TMCC1: variants seen among roughly 807,000 people sequenced by gnomAD.
TMCC1 encodes transmembrane and coiled-coil domain family 1, also known as transmembrane and coiled-coil domains protein 1.
Under a neutral mutation model 52.4 loss-of-function variants are expected in TMCC1, and 15 were observed. The ratio of observed to expected loss-of-function variants is 0.29; its 90% CI spans 0.19 to 0.44. The LOEUF is 0.44. TMCC1 is among the 20% of genes least tolerant of loss of function. The probability of loss-of-function intolerance (pLI) is 1.00; values close to 1 mark genes in which losing one functional copy is unlikely to be tolerated. For synonymous variants in TMCC1, 279 were observed against 301.9 expected (o/e 0.92, Z 0.79); for missense variants, 503 against 806.0 (o/e 0.62, Z 4.55).
chr3:129,866,364 T>TTA (rs1249286467), intron 2 of TMCC1, among the ~76,000 whole-genome samples: 56 of 142,174 alleles, frequency 3.9e-4, no homozygotes, highest in Middle Eastern at 3.7e-3. Flanking sequence ...AATATATATT[T>TTA]TATATATATA....
At chr3:129,716,365 C>T (rs1440345451) in intron 4 of TMCC1, among the ~76,000 whole-genome samples, 2 of 136,740 alleles carry the variant, frequency 1.5e-5, no homozygotes, top group East Asian at 2.2e-4. Flanking sequence ...GTTGGAGTCT[C>T]GCTCTGTCAC....
chr3:129,837,235 T>C (rs2059200333), intron 2 of TMCC1, among the ~76,000 whole-genome samples: 1 of 152,010 alleles, frequency 6.6e-6, no homozygotes, highest in African/African-American at 2.4e-5. Context: ...TGCATAAATC[T>C]GAGGCTTAAC....
At position 129,651,695 on chromosome 3, in the gene TMCC1, C is replaced by T. The variant is rs1288910841; in HGVS notation, c.1748G>A (p.Arg583Gln). ...GTTGATGAGTTTGCCCAGAAGGTTCCGGGCAGTGGCATTCTCCAGCCCTTC... is the reference window on the plus strand; with the variant it reads ...GTTGATGAGTTTGCCCAGAAGGTTCTGGGCAGTGGCATTCTCCAGCCCTTC... The part of the protein sequence containing the change: ...QLEGLENATA[R>Q]NLLGKLINIL... The change falls in exon 7 of 7, where the codon CGG (arginine) becomes CAG (glutamine). Residue 583 changes from arginine (R) to glutamine (Q), a missense_variant. Arg to Gln is a conservative substitution (Grantham distance 43, BLOSUM62 1). This residue lies in a region of TMCC1 where 121 missense variants were observed against 193.6 expected (regional missense o/e 0.62). Transcript: ENST00000393238. This position sits in a 1 kb window ranked among gnomAD's most constrained non-coding sequence, Gnocchi z 5.1. The T allele has an allele frequency of 1.3e-5, 21 of 1,614,074 alleles. No homozygotes were observed. The highest frequency in any genetic ancestry group is 2.7e-5 in the African/African-American group (2 of 74,914).
intron 4 of TMCC1, among the ~76,000 whole-genome samples, chr3:129,800,731 G>T (rs935085128): frequency 6.6e-6 from 1 of 151,602 alleles, no homozygotes; most frequent in Non-Finnish European, 1.5e-5. Context: ...GTCATATTTT[G>T]CTATTTAACC....
At chr3:129,770,611 TG>T (rs1257083578) in intron 4 of TMCC1, among the ~76,000 whole-genome samples, 141 of 132,354 alleles carry the variant, frequency 1.1e-3, no homozygotes, top group African/African-American at 3.4e-3. Flanking sequence ...ATAAATGAAA[TG>T]AAATGAAATG....
At chr3:129,675,394 C>A (rs191508737) in intron 4 of TMCC1, among the ~76,000 whole-genome samples, 1 of 152,162 alleles carries the variant, frequency 6.6e-6, no homozygotes, top group Non-Finnish European at 1.5e-5. Context: ...ACTTAACCTC[C>A]GCATCCATTT....
intron 4 of TMCC1, among the ~76,000 whole-genome samples, chr3:129,781,114 T>C (rs2055488199): frequency 1.3e-5 from 2 of 152,116 alleles, no homozygotes; most frequent in South Asian, 4.1e-4. Flanking sequence ...ATGGGTTTTC[T>C]TCTATTAAAG....
chr3:129,743,467 T>C (rs2051642408), intron 4 of TMCC1, among the ~76,000 whole-genome samples: 1 of 152,202 alleles, frequency 6.6e-6, no homozygotes. Flanking sequence ...ATGGTAAATC[T>C]GTGGAATTAA....
chr3:129,676,903 T>C (rs1271943850), intron 4 of TMCC1, among the ~76,000 whole-genome samples: 2 of 152,190 alleles, frequency 1.3e-5, no homozygotes, highest in East Asian at 1.9e-4. Flanking sequence ...AGTTACCTTC[T>C]TCCATCACTT....
intron 4 of TMCC1, chr3:129,818,876 T>C (rs947174035): frequency 2.0e-5 from 3 of 152,428 alleles, no homozygotes; most frequent in Non-Finnish European, 4.4e-5. Context: ...TGTTGGGAAA[T>C]GATGTAGGTG....
At chr3:129,715,753 G>A (rs1465540193) in intron 4 of TMCC1, among the ~76,000 whole-genome samples, 1 of 152,082 alleles carries the variant, frequency 6.6e-6, no homozygotes, top group Non-Finnish European at 1.5e-5. Flanking sequence ...GTCTGAGACT[G>A]TGTCTTATAT....
At chr3:129,760,115 C>G (rs1302460952) in intron 4 of TMCC1, among the ~76,000 whole-genome samples, 1 of 151,942 alleles carries the variant, frequency 6.6e-6, no homozygotes, top group Non-Finnish European at 1.5e-5. Flanking sequence ...CCCTTATAAC[C>G]CCTCTTCCCT....
chr3:129,680,824 C>T (rs1032240245), intron 4 of TMCC1, among the ~76,000 whole-genome samples: 2 of 151,350 alleles, frequency 1.3e-5, no homozygotes, highest in Admixed American at 6.6e-5. Context: ...TTGCTTGAAC[C>T]GGGGGGTGGA....
intron 4 of TMCC1, among the ~76,000 whole-genome samples, chr3:129,742,813 A>G (rs1427252813): frequency 2.0e-5 from 3 of 152,212 alleles, no homozygotes; most frequent in Admixed American, 2.0e-4. Context: ...ATAATAGAAT[A>G]TGATTTTGCA....
intron 5 of TMCC1, among the ~76,000 whole-genome samples, chr3:129,666,608 C>T (rs1379189589): frequency 2.0e-5 from 3 of 152,000 alleles, no homozygotes; most frequent in Non-Finnish European, 4.4e-5. Context: ...GGCGTGGTGG[C>T]AGACACCTGT....
intron 4 of TMCC1, among the ~76,000 whole-genome samples, chr3:129,723,365 T>C (rs1224829861): frequency 1.8e-4 from 27 of 147,426 alleles, no homozygotes; most frequent in South Asian, 6.3e-4. Context: ...TTTTTCTTTT[T>C]TTTTTTTTTT....
chr3:129,651,887 G>A lies in TMCC1; in HGVS notation c.1648-92C>T. On this transcript the variant is annotated intron_variant, in intron 6 of 6. Coordinates refer to ENST00000393238, the MANE Select transcript of TMCC1 (RefSeq NM_001017395.5). The surrounding 1 kb of genome is among the most constrained non-coding windows in gnomAD (Gnocchi z 5.1). ...CCTGGGCAAGCCAGATGCATCTTGA[G>A]CAATGCCAATGATTTTATAAATATG... 1.5e-6 allele frequency: 2 copies of A among 1,316,944 alleles called. No homozygotes were observed. Among genetic ancestry groups the A allele is most frequent in the Non-Finnish European group, 1.0e-6 (1 of 973,030 alleles). The allele number at this position is 1,316,944 out of a possible 1,614,324, so 81.6% of individuals were successfully genotyped here.
chr3:129,761,564 C>T (rs2053599322), intron 4 of TMCC1, among the ~76,000 whole-genome samples: 1 of 152,076 alleles, frequency 6.6e-6, no homozygotes, highest in African/African-American at 2.4e-5. Context: ...GTTATAATTT[C>T]TTGTCTTTTT....
At chr3:129,755,027 G>A (rs562294985) in intron 4 of TMCC1, among the ~76,000 whole-genome samples, 10 of 152,164 alleles carry the variant, frequency 6.6e-5, no homozygotes, top group Non-Finnish European at 1.2e-4. Flanking sequence ...GCAGTGAGCC[G>A]AGATCGCACC....
Sources: gnomAD v4.1 joint callset for allele counts (sites outside exome capture counted in the v4.1 genomes callset) on GRCh38, gnomAD v4.1.1 for gene constraint, gnomAD v4.1.1 regional missense constraint, Gnocchi (gnomAD v3.1) non-coding constraint, MANE v1.5 for transcripts, NCBI Gene and HGNC (gene_info 2026-07-23, HGNC 2026-07-21) for gene names.